SLC16A12: variants seen among roughly 807,000 people sequenced by gnomAD.
SLC16A12 encodes the protein solute carrier family 16 member 12, also known as monocarboxylate transporter 12.
Under a neutral mutation model 42.4 loss-of-function variants are expected in SLC16A12, and 17 were observed. The observed-to-expected ratio is 0.40, with a 90% confidence interval of 0.27 to 0.60. The LOEUF (loss-of-function observed/expected upper bound fraction) is 0.60. Among genes scored for constraint, SLC16A12 ranks in the 20% least tolerant of loss-of-function variants. The probability of loss-of-function intolerance (pLI) is 0.42; values close to 1 mark genes in which losing one functional copy is unlikely to be tolerated. For synonymous variants in SLC16A12, 224 were observed against 229.4 expected, an observed-to-expected ratio of 0.98 and a Z score of 0.21; for missense variants, 544 against 623.0, an observed-to-expected ratio of 0.87 and a Z score of 1.35.
rs1266470462 is a variant in SLC16A12 at position 89,506,410 on chromosome 10, C to T, written c.-47+28091G>A. ...GCAATATTTGCTGTTCCGCAGCCTCCGCTGGTGATACCTGGCAAACAAGGT... is the reference window on the plus strand; with the variant it reads ...GCAATATTTGCTGTTCCGCAGCCTCTGCTGGTGATACCTGGCAAACAAGGT... On this transcript the variant is annotated intron_variant, in intron 2 of 7. Coordinates refer to ENST00000371790, the MANE Select transcript of SLC16A12 (RefSeq NM_213606.4). Among the ~76,000 whole-genome samples, 5 of 152,130 alleles carry T rather than the reference C, an allele frequency of 3.3e-5. No homozygotes were observed. The East Asian group carries it at 5.8e-4, about 18-fold the overall frequency.
At chr10:89,506,890 A>T (rs943872013) in intron 2 of SLC16A12, among the ~76,000 whole-genome samples, 7 of 152,160 alleles carry the variant, frequency 4.6e-5, no homozygotes, top group African/African-American at 1.7e-4. Flanking sequence ...AAATGACCTG[A>T]TGGAGCTGAA....
chr10:89,541,173 G>A (rs1019536682), intron 2 of SLC16A12, among the ~76,000 whole-genome samples: 47 of 151,876 alleles, frequency 3.1e-4, no homozygotes, highest in Admixed American at 1.3e-4. Context: ...TGATCCGCCC[G>A]CCTCGGCCTC....
upstream of SLC16A12, among the ~76,000 whole-genome samples, chr10:89,539,845 C>T (rs192968715): frequency 1.4e-5 from 2 of 141,394 alleles, no homozygotes; most frequent in Admixed American, 1.4e-4. Flanking sequence ...CCTTAGACAC[C>T]AAGAAACAAA....
intron 2 of SLC16A12, among the ~76,000 whole-genome samples, chr10:89,503,807 C>T (rs1564592117): frequency 2.0e-5 from 3 of 152,218 alleles, no homozygotes; most frequent in South Asian, 4.1e-4. Flanking sequence ...GCTGGGGCCA[C>T]AGCAACAGGA....
At chr10:89,450,316 T>C (rs1411145442) in intron 3 of SLC16A12, among the ~76,000 whole-genome samples, 1 of 152,224 alleles carries the variant, frequency 6.6e-6, no homozygotes, top group Non-Finnish European at 1.5e-5. Context: ...TGCACGTATG[T>C]TTAATGTGGC....
chr10:89,505,266 A>T (rs989520405), intron 2 of SLC16A12, among the ~76,000 whole-genome samples: 2 of 152,002 alleles, frequency 1.3e-5, no homozygotes, highest in Admixed American at 6.6e-5. Context: ...AATACAAAAA[A>T]TTAGCCTGGC....
chr10:89,495,473 C>T (rs1357579531), intron 2 of SLC16A12, among the ~76,000 whole-genome samples: 2 of 152,128 alleles, frequency 1.3e-5, no homozygotes, highest in Non-Finnish European at 2.9e-5. Context: ...AGGTATTAAC[C>T]CTTGGGAGTG....
At chr10:89,454,941 CT>C (rs1842162675) in intron 3 of SLC16A12, among the ~76,000 whole-genome samples, 2 of 151,902 alleles carry the variant, frequency 1.3e-5, no homozygotes, top group Admixed American at 1.3e-4. Context: ...TCATAAAACA[CT>C]TTTCAAGGGA....
At chr10:89,503,583 G>A (rs1479636050) in intron 2 of SLC16A12, among the ~76,000 whole-genome samples, 1 of 152,210 alleles carries the variant, frequency 6.6e-6, no homozygotes, top group African/African-American at 2.4e-5. Flanking sequence ...ATTTCTAGAT[G>A]TGCCCAAATA....
At chr10:89,435,869 G>A (rs1328581503) in intron 7 of SLC16A12, among the ~76,000 whole-genome samples, 191 bp downstream of exon 7, 3 of 152,154 alleles carry the variant, frequency 2.0e-5, no homozygotes, top group African/African-American at 7.2e-5. Flanking sequence ...TTCTTACTTG[G>A]TTGGAAGAAG....
At position 89,431,695 on chromosome 10, in the gene SLC16A12, T is replaced by C. The variant is rs570714544; in HGVS notation, c.*1369A>G. The stretch of plus-strand genomic sequence containing the variant: ...TTGCATAATTTACTCCTATTACAGG[T>C]GTGACACACTGTGAGATTCAGGATT... On this transcript the variant is annotated 3_prime_UTR_variant, in exon 8 of 8. Transcript: ENST00000371790. 2 of 152,192 alleles carry C rather than the reference T, an allele frequency of 1.3e-5. No individual in the cohort carries two copies. Among genetic ancestry groups the C allele is most frequent in the Non-Finnish European group, 2.9e-5 (2 of 68,032 alleles). The allele number at this position is 152,192 out of a possible 1,614,324, so 9.4% of individuals were successfully genotyped here. A position where few individuals can be genotyped will look rare whatever the true frequency, so the allele number is the denominator to read the frequency against.
At chr10:89,539,917 T>TTTCTTTCTTTTTTCG (rs1564604845), upstream of SLC16A12, among the ~76,000 whole-genome samples, 1 of 136,952 alleles carries the variant, frequency 7.3e-6, no homozygotes, top group Non-Finnish European at 1.6e-5. Context: ...TTCTTTTTTC[T>TTTCTTTCTTTTTTCG]TTTTTTCTTT....
chr10:89,454,819 A>C (rs1330746202), intron 3 of SLC16A12, among the ~76,000 whole-genome samples: 1 of 151,838 alleles, frequency 6.6e-6, no homozygotes, highest in Non-Finnish European at 1.5e-5. Flanking sequence ...TTTCCTTTGC[A>C]TTTGTTTATA....
Position 89,513,193 on chromosome 10 carries a change from C to T in SLC16A12, c.-47+21308G>A, listed in dbSNP as rs559046410. Among the ~76,000 whole-genome samples the T allele has an allele frequency of 3.2e-4, 48 of 152,124 alleles. 1 individual carries two copies. In the South Asian group the frequency reaches 8.9e-3, roughly 28 times the overall value. On this transcript the variant is annotated intron_variant, in intron 2 of 7. Transcript: ENST00000371790. ...CATAATTTAAAAAAAAATGAAACCGCGATCATTTAATCTATATTGCTCTTT... is the reference window on the plus strand; with the variant it reads ...CATAATTTAAAAAAAAATGAAACCGTGATCATTTAATCTATATTGCTCTTT...
chr10:89,479,171 A>T (rs538891617), intron 2 of SLC16A12, among the ~76,000 whole-genome samples: 3 of 152,240 alleles, frequency 2.0e-5, no homozygotes, highest in African/African-American at 4.8e-5. Flanking sequence ...CTTTTCCATG[A>T]TCCTGTGGGG....
chr10:89,519,158 C>T (rs1161498317), intron 2 of SLC16A12, among the ~76,000 whole-genome samples: 1 of 152,042 alleles, frequency 6.6e-6, no homozygotes, highest in African/African-American at 2.4e-5. Flanking sequence ...AACTCCAAAA[C>T]ACATATCCCA....
intron 2 of SLC16A12, among the ~76,000 whole-genome samples, chr10:89,481,309 A>G (rs191256376): frequency 8.0e-4 from 122 of 152,212 alleles, no homozygotes; most frequent in African/African-American, 2.9e-3. Context: ...AAGTAATAAA[A>G]CCACTTGTAC....
chr10:89,481,520 AG>A (rs1271364120), intron 2 of SLC16A12, among the ~76,000 whole-genome samples: 1 of 152,150 alleles, frequency 6.6e-6, no homozygotes, highest in Non-Finnish European at 1.5e-5. Context: ...ACAGATTAAA[AG>A]TTTCCCCCTC....
rs1454213431 is a variant in SLC16A12, at chr10:89,430,737, G to T, written c.*2327C>A. On this transcript the variant is annotated 3_prime_UTR_variant, in exon 8 of 8. Coordinates refer to ENST00000371790, the MANE Select transcript of SLC16A12 (RefSeq NM_213606.4). ...ATGTATAAAGTCAAATCTCCCAAAT[G>T]TTTTTATACAAAATCTTTAAAATTT... 2.2e-6 allele frequency: 1 copy of T among 461,424 alleles called. No individual in the cohort carries two copies. Among genetic ancestry groups the T allele is most frequent in the Non-Finnish European group, 4.5e-6 (1 of 224,458 alleles). 28.6% of individuals were successfully genotyped at this position (461,424 alleles called of 1,614,324 possible).
Sources: allele counts gnomAD v4.1 joint callset (sites outside exome capture counted in the v4.1 genomes callset), GRCh38; gene constraint gnomAD v4.1.1; transcripts MANE v1.5; gene names NCBI Gene and HGNC (gene_info 2026-07-23, HGNC 2026-07-21).